The following NCAM1 variants were observed in gnomAD, a reference collection of about 807,000 sequenced individuals.
NCAM1 encodes antigen recognized by monoclonal antibody 5.1H11.
NCAM1 carries 14 observed loss-of-function variants against 109.8 expected under a neutral mutation model. That is an observed-to-expected ratio of 0.13 (90% CI 0.08 to 0.20). The LOEUF is 0.20. NCAM1 is among the 10% of genes least tolerant of loss of function. NCAM1 has a pLI of 1.00. For synonymous variants in NCAM1, 418 were observed against 442.9 expected, an observed-to-expected ratio of 0.94 and a Z score of 0.70; for missense variants, 774 against 1,109.9, an observed-to-expected ratio of 0.70 and a Z score of 4.30.
At chr11:113,251,477 A>G (rs1945675354) in intron 15 of NCAM1, among the ~76,000 whole-genome samples, 1 of 152,248 alleles carries the variant, frequency 6.6e-6, no homozygotes, top group African/African-American at 2.4e-5. Context: ...ATCTGACTAT[A>G]TGTGGCCTCT....
intron 16 of NCAM1, 89 bp downstream of exon 16, chr11:113,256,090 A>T: frequency 5.6e-5 from 81 of 1,452,322 alleles, no homozygotes; most frequent in East Asian, 1.3e-4. Context: ...CCCACGGGGC[A>T]GGGGTGGGAT....
At chr11:113,160,877 A>G (rs1942578610) in intron 1 of NCAM1, among the ~76,000 whole-genome samples, 1 of 152,200 alleles carries the variant, frequency 6.6e-6, no homozygotes, top group Non-Finnish European at 1.5e-5. Context: ...TAAGTCAGCC[A>G]TAAATTCTGT....
intron 1 of NCAM1, among the ~76,000 whole-genome samples, chr11:113,140,996 T>G (rs1221847551): frequency 6.6e-6 from 1 of 152,202 alleles, no homozygotes; most frequent in Non-Finnish European, 1.5e-5. Context: ...AGTAGAACTA[T>G]CCATTCTGCT....
chr11:112,992,327 T>C (rs1555070693), intron 1 of NCAM1, among the ~76,000 whole-genome samples: 2 of 152,204 alleles, frequency 1.3e-5, no homozygotes, highest in Admixed American at 1.3e-4. Flanking sequence ...CTTGTAGTTG[T>C]TTCATTGGGT....
chr11:113,240,664 C>A, intron 14 of NCAM1: 1 of 890,672 alleles, frequency 1.1e-6, no homozygotes, highest in South Asian at 1.4e-5. Flanking sequence ...TTGTTCTTCC[C>A]ACTTTAACTC....
chr11:112,977,905 TG>T (rs1257035283), intron 1 of NCAM1, among the ~76,000 whole-genome samples: 3 of 151,618 alleles, frequency 2.0e-5, no homozygotes, highest in Non-Finnish European at 3.0e-5. Flanking sequence ...GAGAAAAAAA[TG>T]GGGGGATTGT....
intron 8 of NCAM1, among the ~76,000 whole-genome samples, chr11:113,216,908 T>C (rs1944548038): frequency 6.6e-6 from 1 of 152,166 alleles, no homozygotes; most frequent in Non-Finnish European, 1.5e-5. Flanking sequence ...AGAAAATAAA[T>C]TTCACTTTTA....
At chr11:113,059,209 A>C (rs187011352) in intron 1 of NCAM1, among the ~76,000 whole-genome samples, 206 of 152,326 alleles carry the variant, frequency 1.4e-3, no homozygotes, top group African/African-American at 4.8e-3. Context: ...AACTTTACCA[A>C]GCTTAAGATA....
Position 113,045,439 on chromosome 11 carries a change from C to T in NCAM1, c.52+83775C>T, listed in dbSNP as rs1953231550. The stretch of plus-strand genomic sequence containing the variant: ...AATCGTGGTAAAGGAAGGAAATGCA[C>T]TCAGACATCTTGGCGCCCTGGGAGA... On this transcript the variant is annotated intron_variant, in intron 1 of 19. Coordinates refer to ENST00000316851, the MANE Select transcript of NCAM1 (RefSeq NM_181351.5). 2.0e-5 allele frequency among the ~76,000 whole-genome samples: 3 copies of T among 152,160 alleles called. No homozygotes were observed. The South Asian group carries it at 6.2e-4, about 32-fold the overall frequency.
intron 7 of NCAM1, among the ~76,000 whole-genome samples, chr11:113,211,619 A>G (rs1555113657): frequency 6.6e-6 from 1 of 152,218 alleles, no homozygotes; most frequent in Non-Finnish European, 1.5e-5. Flanking sequence ...TTGAGGTCTC[A>G]TGCTGCTGTG....
intron 1 of NCAM1, among the ~76,000 whole-genome samples, chr11:113,016,141 G>A (rs1555075247): frequency 6.6e-6 from 1 of 152,194 alleles, no homozygotes; most frequent in African/African-American, 2.4e-5. Context: ...TATTTAGGAG[G>A]TTGAGTTCAT....
chr11:113,212,151 C>A (rs1242723019), intron 7 of NCAM1, among the ~76,000 whole-genome samples: 1 of 152,124 alleles, frequency 6.6e-6, no homozygotes, highest in Non-Finnish European at 1.5e-5. Context: ...CCTCTCATGT[C>A]ACTCTCAAGA....
intron 17 of NCAM1, chr11:113,269,938 C>T (rs1555124915): frequency 1.8e-6 from 1 of 555,714 alleles, no homozygotes. Context: ...CACGGGAGGC[C>T]AGCTGACCAG....
At chr11:113,074,045 G>A (rs1398324381) in intron 1 of NCAM1, among the ~76,000 whole-genome samples, 4 of 152,196 alleles carry the variant, frequency 2.6e-5, no homozygotes, top group Admixed American at 1.3e-4. Flanking sequence ...GGAGAAACAC[G>A]TCGGTGTGGA....
At chr11:112,976,481 A>G (rs1951009096) in intron 1 of NCAM1, among the ~76,000 whole-genome samples, 1 of 151,934 alleles carries the variant, frequency 6.6e-6, no homozygotes, top group South Asian at 2.1e-4. Flanking sequence ...AAACCTACAG[A>G]TTGATTTGGT....
At position 112,963,232 on chromosome 11, in the gene NCAM1, C is replaced by G. The variant is rs1950618800; in HGVS notation, c.52+1568C>G. 6.6e-6 allele frequency: 1 copy of G among 152,502 alleles called. No individual in the cohort carries two copies. Among genetic ancestry groups the G allele is most frequent in the Non-Finnish European group, 1.5e-5 (1 of 68,286 alleles). 9.4% of individuals were successfully genotyped at this position (152,502 alleles called of 1,614,324 possible). A position where few individuals can be genotyped will look rare whatever the true frequency, so the allele number is the denominator to read the frequency against. On this transcript the variant is annotated intron_variant, in intron 1 of 19. Transcript: ENST00000316851. This position sits in a 1 kb window ranked among gnomAD's most constrained non-coding sequence, Gnocchi z 4.6. ...CACCGCCAAGAGAAACCCCGCCCTG[C>G]GGCCGGTCCCCCGCCTGCCCGGCAG...
chr11:113,095,122 T>A (rs1311228920), intron 1 of NCAM1, among the ~76,000 whole-genome samples: 1 of 152,216 alleles, frequency 6.6e-6, no homozygotes, highest in Non-Finnish European at 1.5e-5. Flanking sequence ...ATGGAGTTTT[T>A]ATCAAAACTC....
chr11:113,204,249 G>A lies in NCAM1; in HGVS notation c.128-37G>A, dbSNP rs184963226. On this transcript the variant is annotated intron_variant, in intron 2 of 19. Transcript: ENST00000316851. ...CTGGAGGGGACTTATTAGTCTTTTC[G>A]ACTTCAGTAGCTTAAAAATAATCTC... 5,015 of 1,546,136 alleles carry A rather than the reference G, an allele frequency of 3.2e-3. 83 individuals carry two copies. The highest frequency in any genetic ancestry group is 0.026 in the South Asian group (2,186 of 84,234).
At chr11:112,977,477 A>C (rs1379059451) in intron 1 of NCAM1, 2 of 151,826 alleles carry the variant, frequency 1.3e-5, no homozygotes, top group African/African-American at 2.4e-5. Flanking sequence ...ATTTTCCAAA[A>C]GTTTATGCCA....
Sources: gnomAD v4.1 joint callset for allele counts (sites outside exome capture counted in the v4.1 genomes callset) on GRCh38, gnomAD v4.1.1 for gene constraint, Gnocchi (gnomAD v3.1) non-coding constraint, MANE v1.5 for transcripts, NCBI Gene and HGNC (gene_info 2026-07-23, HGNC 2026-07-21) for gene names.